Variants in ITGBL1 observed in about 807,000 individuals in gnomAD.
The protein encoded by ITGBL1 is integrin subunit beta like 1.
ITGBL1 carries 51 observed loss-of-function variants against 68.5 expected under a neutral mutation model. The observed-to-expected ratio is 0.74, with a 90% confidence interval of 0.59 to 0.94. The LOEUF is 0.94. Among genes scored for constraint, ITGBL1 ranks in the 40% least tolerant of loss-of-function variants. The pLI, the probability that ITGBL1 is intolerant of heterozygous loss-of-function variation, is 0.00. For missense variants in ITGBL1, 649 were observed against 647.4 expected (o/e 1.00, Z -0.03); for synonymous variants, 209 against 227.3 (o/e 0.92, Z 0.72).
intron 7 of ITGBL1, among the ~76,000 whole-genome samples, chr13:101,657,587 T>C (rs1361125391): frequency 6.6e-6 from 1 of 152,240 alleles, no homozygotes; most frequent in Non-Finnish European, 1.5e-5. Flanking sequence ...TAAACTCTAA[T>C]GGTGTTGTTG....
chr13:101,481,229 TG>T (rs1029577582), intron 2 of ITGBL1, among the ~76,000 whole-genome samples: 1 of 151,592 alleles, frequency 6.6e-6, no homozygotes, highest in Non-Finnish European at 1.5e-5. Context: ...GCAGGCAATG[TG>T]AGCAGAGAAT....
chr13:101,601,420 T>C (rs1216228386), intron 7 of ITGBL1, among the ~76,000 whole-genome samples: 3 of 152,160 alleles, frequency 2.0e-5, no homozygotes, highest in Non-Finnish European at 4.4e-5. Context: ...AAGGGTTTTT[T>C]GTGTCTCTAT....
intron 2 of ITGBL1, among the ~76,000 whole-genome samples, chr13:101,505,721 T>C (rs1271673093): frequency 3.3e-5 from 5 of 152,120 alleles, no homozygotes; most frequent in African/African-American, 1.2e-4. Context: ...AGGCTTTCTC[T>C]CCGTCTGAGA....
intron 7 of ITGBL1, among the ~76,000 whole-genome samples, chr13:101,646,841 T>C (rs1355839465): frequency 6.6e-6 from 1 of 152,094 alleles, no homozygotes; most frequent in East Asian, 1.9e-4. Flanking sequence ...ATGTCATATG[T>C]AAAATAAGTA....
At chr13:101,531,612 G>C (rs994776404) in intron 2 of ITGBL1, among the ~76,000 whole-genome samples, 2 of 138,176 alleles carry the variant, frequency 1.4e-5, no homozygotes, top group South Asian at 2.5e-4. Context: ...TATTTTTTGG[G>C]GGGAGGGGAT....
intron 7 of ITGBL1, among the ~76,000 whole-genome samples, chr13:101,601,048 G>A (rs182682376): frequency 3.3e-5 from 5 of 152,268 alleles, no homozygotes; most frequent in Admixed American, 1.3e-4. Context: ...GTAGAATTCG[G>A]CTGTGAATCC....
chr13:101,666,515 T>TA (rs2033222291), intron 7 of ITGBL1, among the ~76,000 whole-genome samples: 1 of 151,646 alleles, frequency 6.6e-6, no homozygotes, highest in African/African-American at 2.4e-5. Context: ...GGCATGTTTT[T>TA]TTTTTCTCGT....
At chr13:101,681,297 A>T (rs949951619) in intron 7 of ITGBL1, among the ~76,000 whole-genome samples, 5 of 151,996 alleles carry the variant, frequency 3.3e-5, no homozygotes, top group African/African-American at 1.2e-4. Flanking sequence ...CTGTGTGCAT[A>T]TGTGTGTGCG....
intron 2 of ITGBL1, among the ~76,000 whole-genome samples, chr13:101,549,675 A>G (rs973226598): frequency 6.6e-6 from 1 of 152,112 alleles, no homozygotes; most frequent in South Asian, 2.1e-4. Flanking sequence ...TTATAAACCA[A>G]TGAGAAGATT....
intron 2 of ITGBL1, among the ~76,000 whole-genome samples, chr13:101,553,254 G>A (rs903395870): frequency 1.3e-5 from 2 of 152,096 alleles, no homozygotes; most frequent in Non-Finnish European, 2.9e-5. Flanking sequence ...CTTTTGTTAA[G>A]AACTTTTTGC....
At chr13:101,688,377 A>G (rs890813508) in intron 7 of ITGBL1, among the ~76,000 whole-genome samples, 1 of 152,070 alleles carries the variant, frequency 6.6e-6, no homozygotes, top group South Asian at 2.1e-4. Context: ...AGGAGATTAG[A>G]TTTGGGCTGG....
intron 7 of ITGBL1, among the ~76,000 whole-genome samples, chr13:101,606,138 G>T (rs2030839123): frequency 7.2e-6 from 1 of 137,978 alleles, no homozygotes; most frequent in Non-Finnish European, 1.6e-5. Flanking sequence ...CCTTCACGTG[G>T]TCCCTGATAT....
intron 7 of ITGBL1, among the ~76,000 whole-genome samples, chr13:101,651,355 T>C (rs1351117355): frequency 1.3e-5 from 2 of 152,230 alleles, no homozygotes; most frequent in Non-Finnish European, 2.9e-5. Context: ...TGGTACGAGA[T>C]GGTATCTCAT....
intron 7 of ITGBL1, among the ~76,000 whole-genome samples, chr13:101,642,835 G>T (rs1307887177): frequency 2.0e-5 from 3 of 152,002 alleles, no homozygotes; most frequent in African/African-American, 4.8e-5. Flanking sequence ...TTTCCCCATT[G>T]CTTATTTTTC....
chr13:101,697,176 A>T (rs1451900972), intron 8 of ITGBL1, among the ~76,000 whole-genome samples: 1 of 151,732 alleles, frequency 6.6e-6, no homozygotes, highest in Non-Finnish European at 1.5e-5. Context: ...TACTTGGCTC[A>T]TCTTTAGATA....
intron 6 of ITGBL1, among the ~76,000 whole-genome samples, chr13:101,593,416 C>T (rs1374918150): frequency 6.6e-6 from 1 of 151,964 alleles, no homozygotes; most frequent in Non-Finnish European, 1.5e-5. Flanking sequence ...AGTAATTTCA[C>T]TACTAGATAT....
At chr13:101,579,777 C>A (rs1038575758) in intron 5 of ITGBL1, among the ~76,000 whole-genome samples, 1 of 152,156 alleles carries the variant, frequency 6.6e-6, no homozygotes, top group Non-Finnish European at 1.5e-5. Context: ...GAACCATCTA[C>A]AGCATGAGCA....
chr13:101,667,900 T>TAAAA (rs35394580), intron 7 of ITGBL1, among the ~76,000 whole-genome samples: 1 of 145,806 alleles, frequency 6.9e-6, no homozygotes, highest in Non-Finnish European at 1.5e-5. Context: ...CTTAAAAGTG[T>TAAAA]AAAAAAAAAA....
intron 7 of ITGBL1, among the ~76,000 whole-genome samples, chr13:101,606,906 T>C: frequency 6.6e-6 from 1 of 152,050 alleles, no homozygotes; most frequent in East Asian, 1.9e-4. Flanking sequence ...GTAGGGAATG[T>C]GGTTAAGCCA....
Sources: gnomAD v4.1 joint callset for allele counts (sites outside exome capture counted in the v4.1 genomes callset) on GRCh38, gnomAD v4.1.1 for gene constraint, MANE v1.5 for transcripts, NCBI Gene and HGNC (gene_info 2026-07-23, HGNC 2026-07-21) for gene names.